SCN10A: variants seen among roughly 807,000 people sequenced by gnomAD.
The protein encoded by SCN10A is sodium voltage-gated channel alpha subunit 10, also known as sodium channel protein type 10 subunit alpha.
In SCN10A, 162 loss-of-function variants were observed where a neutral mutation model predicts 170.7. That is an observed-to-expected ratio of 0.95 (90% confidence interval 0.84 to 1.08). The LOEUF (loss-of-function observed/expected upper bound fraction) is 1.08. Among genes scored for constraint, SCN10A ranks in the 50% least tolerant of loss-of-function variants. SCN10A has a pLI of 0.00. For missense variants in SCN10A, 2,527 were observed against 2,436.9 expected, an observed-to-expected ratio of 1.04 and a Z score of -0.78; for synonymous variants, 985 against 904.6, an observed-to-expected ratio of 1.09 and a Z score of -1.59.
In SCN10A at chr3:38,710,850, G is replaced by A. The variant is rs779905648; in HGVS notation, c.4137C>T (p.Ser1379=). The A allele has an allele frequency of 7.4e-6, 12 of 1,613,576 alleles. No homozygotes were observed. Among genetic ancestry groups the A allele is most frequent in the South Asian group, 1.1e-5 (1 of 90,950 alleles). Residue 1379 remains serine (S), a synonymous_variant, in exon 24 of 28, where the codon TCC becomes TCT. Coordinates refer to ENST00000449082, the MANE Select transcript of SCN10A (RefSeq NM_006514.4). ...WMDIMYAAVD[S]REVNMQPKWE... is the part of the protein sequence containing the mutation. ...ACAGTGGGCTGAGACTCACCTCCCG[G>A]GAATCAACAGCTGCATACATAATGT...
chr3:38,732,953 A>C (rs1268835619), intron 15 of SCN10A, among the ~76,000 whole-genome samples: 1 of 152,202 alleles, frequency 6.6e-6, no homozygotes, highest in Admixed American at 6.5e-5. Context: ...CAAATGTTGA[A>C]GACTAGTTAA....
At chr3:38,755,997 G>A in intron 10 of SCN10A, 39 bp from the exon 11 acceptor site, 1 of 1,611,744 alleles carries the variant, frequency 6.2e-7, no homozygotes, top group South Asian at 1.1e-5. Context: ...AATAGTATTT[G>A]CTTGGACTTA....
In SCN10A at chr3:38,696,891, T is replaced by G. The variant is rs1024645295; in HGVS notation, c.*458A>C. Reference sequence around the variant, plus strand: ...AGGTGTTACCCTGGGTCAGAGCAGTTGTCCGACAGCTCTCACATGCAGTCA... The same window carrying G: ...AGGTGTTACCCTGGGTCAGAGCAGTGGTCCGACAGCTCTCACATGCAGTCA... On this transcript the variant is annotated 3_prime_UTR_variant, in exon 28 of 28. Coordinates refer to ENST00000449082, the MANE Select transcript of SCN10A (RefSeq NM_006514.4). 5.7e-6 allele frequency: 1 copy of G among 174,478 alleles called. No individual in the cohort carries two copies. Among genetic ancestry groups the G allele is most frequent in the African/African-American group, 2.4e-5 (1 of 42,302 alleles). 10.8% of individuals were successfully genotyped at this position (174,478 alleles called of 1,614,324 possible). A position where few individuals can be genotyped will look rare whatever the true frequency, so the allele number is the denominator to read the frequency against.
intron 22 of SCN10A, among the ~76,000 whole-genome samples, chr3:38,712,793 A>G: frequency 6.6e-6 from 1 of 152,234 alleles, no homozygotes; most frequent in East Asian, 1.9e-4. Context: ...AATACCATAC[A>G]TAAAACACAA....
chr3:38,787,615 A>G (rs2064223204), intron 4 of SCN10A, among the ~76,000 whole-genome samples: 1 of 152,074 alleles, frequency 6.6e-6, no homozygotes, highest in Non-Finnish European at 1.5e-5. Flanking sequence ...TTCACAATTA[A>G]GTATGACGCT....
chr3:38,728,398 C>T (rs2063478916), intron 16 of SCN10A, 144 bp downstream of exon 16: 4 of 833,220 alleles, frequency 4.8e-6, no homozygotes, highest in Non-Finnish European at 7.0e-6. Flanking sequence ...TAATGAATCC[C>T]ACATGAATTT....
chr3:38,789,125 T>C, intron 3 of SCN10A, 89 bp from the exon 4 acceptor site: 1 of 790,006 alleles, frequency 1.3e-6, no homozygotes, highest in Non-Finnish European at 2.2e-6. Context: ...ATTACATTCA[T>C]AAATCTTAGC....
chr3:38,728,684 T>A lies in SCN10A; in HGVS notation c.2498A>T (p.His833Leu), dbSNP rs137858823. Residue 833 changes from histidine to leucine, a missense_variant, in exon 16 of 28, where the codon CAC becomes CTC. By Grantham distance (99) the His-to-Leu change is moderately conservative. Coordinates refer to ENST00000449082, the MANE Select transcript of SCN10A (RefSeq NM_006514.4). ...AATGAGGAAAGAGTGGAAGAAGTCG[T>A]GCATGTGCCAGCGGGGCCAGTCTTC... The part of the protein sequence containing the change: ...PHEDWPRWHM[H>L]DFFHSFLIVF... 23 of 1,614,110 alleles carry A rather than the reference T, an allele frequency of 1.4e-5. No individual in the cohort carries two copies. Among genetic ancestry groups the A allele is most frequent in the Non-Finnish European group, 1.9e-5 (22 of 1,180,042 alleles).
intron 18 of SCN10A, among the ~76,000 whole-genome samples, chr3:38,724,787 C>T (rs1219558997): frequency 2.0e-5 from 3 of 152,212 alleles, no homozygotes. Flanking sequence ...AGGACCTAAA[C>T]ATTTGACAAG....
chr3:38,731,496 C>A (rs1415575017), intron 15 of SCN10A, among the ~76,000 whole-genome samples: 1 of 152,160 alleles, frequency 6.6e-6, no homozygotes, highest in Non-Finnish European at 1.5e-5. Flanking sequence ...AAATCTGAAA[C>A]TCAAACTGTG....
rs1047449169 is a variant in SCN10A at position 38,697,464 on chromosome 3, G to A, written c.5756C>T (p.Pro1919Leu). 8.1e-6 allele frequency: 13 copies of A among 1,614,038 alleles called. No individual in the cohort carries two copies. Among genetic ancestry groups the A allele is most frequent in the Admixed American group, 5.0e-5 (3 of 59,998 alleles). The change falls in exon 28 of 28, where the codon CCG becomes CTG. Residue 1919 changes from proline to leucine, a missense_variant. Transcript: ENST00000449082. ...SETASATSFP[P>L]SYESVTRGLS... The stretch of plus-strand genomic sequence containing the variant: ...GCCTCTAGTGACACTCTCATAGGAC[G>A]GTGGGAATGATGTGGCAGAAGCAGT...
chr3:38,736,854 T>C (rs941368759), intron 15 of SCN10A, among the ~76,000 whole-genome samples: 1 of 151,920 alleles, frequency 6.6e-6, no homozygotes, highest in South Asian at 2.1e-4. Flanking sequence ...TGAAGTAAAC[T>C]TGCCTATTTT....
intron 18 of SCN10A, 82 bp downstream of exon 18, chr3:38,725,092 A>C (rs1302196059): frequency 7.4e-7 from 1 of 1,356,270 alleles, no homozygotes. Context: ...CCCCACCTTC[A>C]CCGCCACCCT....
intron 20 of SCN10A, among the ~76,000 whole-genome samples, chr3:38,720,144 T>A (rs1179936643): frequency 6.6e-6 from 1 of 152,366 alleles, no homozygotes; most frequent in East Asian, 1.9e-4. Flanking sequence ...TTTTCTCAGC[T>A]TCCGATTCTG....
At chr3:38,745,716 T>G (rs879512713) in intron 13 of SCN10A, among the ~76,000 whole-genome samples, 1 of 152,244 alleles carries the variant, frequency 6.6e-6, no homozygotes, top group African/African-American at 2.4e-5. Flanking sequence ...TCCATGTGAC[T>G]AAAGCCCCTG....
At chr3:38,787,197 T>C (rs1230277025) in intron 4 of SCN10A, among the ~76,000 whole-genome samples, 1 of 152,190 alleles carries the variant, frequency 6.6e-6, no homozygotes, top group Admixed American at 6.6e-5. Flanking sequence ...TTAAAAACTT[T>C]ACACAATACT....
At chr3:38,809,432 G>C (rs2064425586) in intron 1 of SCN10A, among the ~76,000 whole-genome samples, 1 of 152,244 alleles carries the variant, frequency 6.6e-6, no homozygotes, top group African/African-American at 2.4e-5. Flanking sequence ...CAGCGGAGCT[G>C]CAGGAGGTTA....
intron 1 of SCN10A, among the ~76,000 whole-genome samples, chr3:38,815,799 T>C (rs1287599709): frequency 6.6e-6 from 1 of 152,264 alleles, no homozygotes; most frequent in Non-Finnish European, 1.5e-5. Context: ...CTTTTGGATT[T>C]AGCTATATTT....
intron 6 of SCN10A, among the ~76,000 whole-genome samples, chr3:38,761,590 C>T (rs577105076): frequency 1.8e-3 from 272 of 152,234 alleles, no homozygotes; most frequent in African/African-American, 5.9e-3. Context: ...ATTATAAAGA[C>T]GATGCAACTG....
Sources: allele counts gnomAD v4.1 joint callset (sites outside exome capture counted in the v4.1 genomes callset), GRCh38; gene constraint gnomAD v4.1.1; transcripts MANE v1.5; gene names NCBI Gene and HGNC (gene_info 2026-07-23, HGNC 2026-07-21).